Variants in RBFOX3 observed in about 807,000 individuals in gnomAD.
The protein encoded by RBFOX3 is RNA binding protein fox-1 homolog 3.
A neutral mutation model predicts 48.7 loss-of-function variants in RBFOX3; 17 were observed. The ratio of observed to expected loss-of-function variants is 0.35; its 90% CI spans 0.24 to 0.52. The LOEUF (loss-of-function observed/expected upper bound fraction) is 0.52. Among genes scored for constraint, RBFOX3 ranks in the 20% least tolerant of loss-of-function variants. The pLI is 0.94. For synonymous variants in RBFOX3, 212 were observed against 209.5 expected, an observed-to-expected ratio of 1.01 and a Z score of -0.10; for missense variants, 382 against 497.5, an observed-to-expected ratio of 0.77 and a Z score of 2.21.
At position 79,535,091 on chromosome 17, in the gene RBFOX3, G is replaced by A. The variant is rs533112195; in HGVS notation, c.-319-52493C>T. On this transcript the variant is annotated intron_variant, in intron 1 of 14. Transcript: ENST00000693108. The surrounding 1 kb of genome is among the most constrained non-coding windows in gnomAD (Gnocchi z 4.5). ...CGAGGAAGCGTGCCAGTCACATGAC[G>A]GGAAGTCCAGGCTGTGGCAGCTGCG... 3.0e-4 allele frequency among the ~76,000 whole-genome samples: 45 copies of A among 152,310 alleles called. No individual in the cohort carries two copies. Among genetic ancestry groups the A allele is most frequent in the African/African-American group, 9.6e-4 (40 of 41,558 alleles).
intron 4 of RBFOX3, among the ~76,000 whole-genome samples, chr17:79,172,388 T>G (rs1339915882): frequency 2.0e-5 from 3 of 152,146 alleles, no homozygotes; most frequent in Non-Finnish European, 4.4e-5. Flanking sequence ...AGACACAGCG[T>G]GTTGTTGCCT....
At chr17:79,403,896 C>T (rs1237634795) in intron 2 of RBFOX3, among the ~76,000 whole-genome samples, 2 of 150,074 alleles carry the variant, frequency 1.3e-5, no homozygotes, top group Admixed American at 1.4e-4. Context: ...TCTCCTGCTT[C>T]AGCCTCCTGA....
rs35977736 is a variant in RBFOX3 at position 79,344,540 on chromosome 17, A to ATTATTTATTTATTTATTTAT, written c.-174-36736_-174-36717dup. On this transcript the variant is annotated intron_variant, in intron 2 of 14. Coordinates refer to ENST00000693108, the MANE Select transcript of RBFOX3 (RefSeq NM_001350451.2). ...TGGATTCATGTTGTCACTTTGTTTG[A>ATTATTTATTTATTTATTTAT]TTATTTATTTATTTATTTATTTATT... Among the ~76,000 whole-genome samples the ATTATTTATTTATTTATTTAT allele has an allele frequency of 3.4e-4, 50 of 147,436 alleles. 1 individual carries two copies. The highest frequency in any genetic ancestry group is 9.0e-4 in the South Asian group (4 of 4,468).
chr17:79,096,239 G>T (rs1170484929), intron 12 of RBFOX3, among the ~76,000 whole-genome samples: 1 of 152,170 alleles, frequency 6.6e-6, no homozygotes, highest in East Asian at 1.9e-4. Flanking sequence ...CCATCAAGGG[G>T]GGTAGGCCCT....
At chr17:79,234,069 C>G (rs1172053338) in intron 4 of RBFOX3, 1 of 152,318 alleles carries the variant, frequency 6.6e-6, no homozygotes, top group Non-Finnish European at 1.5e-5. Context: ...GAGGCCAACA[C>G]CCGGCGGCCT....
chr17:79,432,036 G>A (rs782788770), intron 2 of RBFOX3, among the ~76,000 whole-genome samples: 9 of 152,212 alleles, frequency 5.9e-5, no homozygotes, highest in Non-Finnish European at 5.9e-5. Flanking sequence ...CCTCATCTAA[G>A]TCATACAGTG....
intron 2 of RBFOX3, among the ~76,000 whole-genome samples, chr17:79,410,827 C>T (rs199569608): frequency 2.0e-5 from 3 of 152,148 alleles, no homozygotes; most frequent in African/African-American, 4.8e-5. Flanking sequence ...CAGGCTGCTC[C>T]GCTTGACTGC....
chr17:79,485,809 C>T (rs2079506714), intron 1 of RBFOX3, among the ~76,000 whole-genome samples: 1 of 152,240 alleles, frequency 6.6e-6, no homozygotes, highest in Admixed American at 6.5e-5. Flanking sequence ...CCCCGCACCC[C>T]TCCTCTGCCG....
intron 2 of RBFOX3, among the ~76,000 whole-genome samples, chr17:79,376,288 T>C (rs752881004): frequency 2.6e-4 from 40 of 152,108 alleles, no homozygotes; most frequent in South Asian, 8.3e-4. Flanking sequence ...TTGGCCCCAC[T>C]TGGAAAGGAG....
intron 2 of RBFOX3, among the ~76,000 whole-genome samples, chr17:79,386,566 C>A (rs1484947093): frequency 1.3e-5 from 2 of 152,210 alleles, no homozygotes; most frequent in African/African-American, 2.4e-5. Flanking sequence ...GAGGAAGGAG[C>A]CCCCAAGTGT....
chr17:79,449,896 T>C (rs143921226), intron 2 of RBFOX3, among the ~76,000 whole-genome samples: 1 of 152,198 alleles, frequency 6.6e-6, no homozygotes, highest in African/African-American at 2.4e-5. Flanking sequence ...GGTCAGCATA[T>C]TTCCATCTTC....
chr17:79,478,457 G>A lies in RBFOX3; in HGVS notation c.-175+3997C>T, dbSNP rs922574017. Among the ~76,000 whole-genome samples the A allele has an allele frequency of 3.1e-4, 47 of 152,310 alleles. No individual in the cohort carries two copies. The East Asian group carries it at 7.3e-3, about 24-fold the overall frequency. The stretch of plus-strand genomic sequence containing the variant: ...CCCCATGGCATGCGCGGCAGCACCC[G>A]CTCCCATCTCATGCTGTCTGCATCA... On this transcript the variant is annotated intron_variant, in intron 2 of 14. Transcript: ENST00000693108.
intron 2 of RBFOX3, among the ~76,000 whole-genome samples, chr17:79,434,854 G>T (rs1195243411): frequency 6.6e-6 from 1 of 152,156 alleles, no homozygotes; most frequent in Non-Finnish European, 1.5e-5. Flanking sequence ...GGGGAATCAG[G>T]TGATGGCCAA....
intron 3 of RBFOX3, among the ~76,000 whole-genome samples, chr17:79,272,398 A>C (rs1218357002): frequency 6.6e-6 from 1 of 152,206 alleles, no homozygotes; most frequent in Non-Finnish European, 1.5e-5. Context: ...TGGTGATATT[A>C]TCACTTAAAA....
chr17:79,448,328 C>T (rs2072768979), intron 2 of RBFOX3, among the ~76,000 whole-genome samples: 1 of 152,152 alleles, frequency 6.6e-6, no homozygotes, highest in South Asian at 2.1e-4. Context: ...AACCTGGGAC[C>T]TCAAGCTGTG....
intron 2 of RBFOX3, among the ~76,000 whole-genome samples, chr17:79,419,035 G>A (rs1406597158): frequency 1.3e-5 from 2 of 152,208 alleles, no homozygotes; most frequent in East Asian, 1.9e-4. Flanking sequence ...TCAGGAGGAA[G>A]CGTGGCATCC....
intron 1 of RBFOX3, among the ~76,000 whole-genome samples, chr17:79,507,011 C>T (rs1206148667): frequency 6.6e-6 from 1 of 152,198 alleles, no homozygotes; most frequent in Admixed American, 6.5e-5. Context: ...CGGGATCCAC[C>T]CTCAGGAGGC....
At chr17:79,607,087 C>A (rs998511160) in intron 1 of RBFOX3, among the ~76,000 whole-genome samples, 5 of 152,142 alleles carry the variant, frequency 3.3e-5, no homozygotes, top group Non-Finnish European at 7.4e-5. Flanking sequence ...GATGCTGCAG[C>A]TTATCAAAGG....
In RBFOX3 at chr17:79,090,552, GC is replaced by G. The variant is rs545070571; in HGVS notation, c.*330del. On this transcript the variant is annotated 3_prime_UTR_variant, in exon 15 of 15. Transcript: ENST00000693108. ...AAAGGAAGACTGGATGGAAAACAGA[GC>G]CCCCCACGGGTCCCACAAGGGAGGC... 2.9e-6 allele frequency: 1 copy of G among 348,996 alleles called. No individual in the cohort carries two copies. Among genetic ancestry groups the G allele is most frequent in the Non-Finnish European group, 5.2e-6 (1 of 192,286 alleles). 21.6% of individuals were successfully genotyped at this position (348,996 alleles called of 1,614,324 possible).
Sources: allele counts gnomAD v4.1 joint callset (sites outside exome capture counted in the v4.1 genomes callset), GRCh38; gene constraint gnomAD v4.1.1; non-coding constraint Gnocchi (gnomAD v3.1); transcripts MANE v1.5; gene names NCBI Gene and HGNC (gene_info 2026-07-23, HGNC 2026-07-21).